NFIC: variants seen among roughly 807,000 people sequenced by gnomAD.
The protein encoded by NFIC is nuclear factor 1 C-type.
In NFIC, 12 loss-of-function variants were observed where a neutral mutation model predicts 54.4. That is an observed-to-expected ratio of 0.22 (90% CI 0.14 to 0.36). The LOEUF is 0.36. NFIC is among the 10% of genes least tolerant of loss of function. The pLI is 1.00. For missense variants in NFIC, 575 were observed against 718.2 expected, an observed-to-expected ratio of 0.80 and a Z score of 2.28; for synonymous variants, 322 against 319.2, an observed-to-expected ratio of 1.01 and a Z score of -0.09.
Position 3,464,571 on chromosome 19 carries a change from C to T in NFIC, c.*1802C>T, listed in dbSNP as rs2082690658. 2.4e-6 allele frequency: 2 copies of T among 827,614 alleles called. No homozygotes were observed. The highest frequency in any genetic ancestry group is 2.8e-6 in the Non-Finnish European group (2 of 717,686). The allele number at this position is 827,614 out of a possible 1,614,324, so 51.3% of individuals were successfully genotyped here. A position where few individuals can be genotyped will look rare whatever the true frequency, so the allele number is the denominator to read the frequency against. ...ACTGACCTCCATGCCTAGGGAAAAA[C>T]TCCCCCCACCACTGCCCCCTCCCCC... On this transcript the variant is annotated 3_prime_UTR_variant, in exon 11 of 11. Transcript: ENST00000443272.
At position 3,435,195 on chromosome 19, in the gene NFIC, G is replaced by T; in HGVS notation, c.946G>T (p.Asp316Tyr). The change falls in exon 6 of 11, where the codon GAC (aspartate) becomes TAC (tyrosine). Residue 316 changes from aspartate to tyrosine, a missense_variant. Around this residue, in one of 3 missense-constraint regions of NFIC, gnomAD observed 447 missense variants for 526.9 expected, o/e 0.85. Transcript: ENST00000443272. ...PTSSSRNWTE[D>Y]MEGGISSPVK... ...GAGTAGCAGCCGCAACTGGACGGAGGACATGGAAGGAGGTAGGGCTGGTGG... is the reference window on the plus strand; with the variant it reads ...GAGTAGCAGCCGCAACTGGACGGAGTACATGGAAGGAGGTAGGGCTGGTGG... 6.2e-7 allele frequency: 1 copy of T among 1,601,950 alleles called. No homozygotes were observed. Among genetic ancestry groups the T allele is most frequent in the Non-Finnish European group, 8.5e-7 (1 of 1,173,590 alleles).
At chr19:3,404,280 C>A (rs928803421) in intron 2 of NFIC, among the ~76,000 whole-genome samples, 10 of 152,066 alleles carry the variant, frequency 6.6e-5, no homozygotes, top group Non-Finnish European at 1.2e-4. Flanking sequence ...CACTCCCCCC[C>A]ACCCCGGGTG....
In NFIC at chr19:3,369,836, C is replaced by G. The variant is rs574377145; in HGVS notation, c.30+3170C>G. Among the ~76,000 whole-genome samples the G allele has an allele frequency of 6.6e-6, 1 of 152,310 alleles. No homozygotes were observed. The highest frequency in any genetic ancestry group is 1.9e-4 in the East Asian group (1 of 5,180). On this transcript the variant is annotated intron_variant, in intron 1 of 10. Transcript: ENST00000443272. The surrounding 1 kb of genome is among the most constrained non-coding windows in gnomAD (Gnocchi z 4.3). ...CTTGGCCGCAGCGTGGCGGATTCCC[C>G]GAGCCACCTCCATCCCGCCACCGGG...
At chr19:3,426,265 G>C (rs1331207273) in intron 3 of NFIC, among the ~76,000 whole-genome samples, 1 of 151,658 alleles carries the variant, frequency 6.6e-6, no homozygotes, top group African/African-American at 2.4e-5. Flanking sequence ...TTTTTGTAGA[G>C]ACAGAGTCTC....
At chr19:3,391,516 G>A (rs937861456) in intron 2 of NFIC, among the ~76,000 whole-genome samples, 4 of 151,940 alleles carry the variant, frequency 2.6e-5, no homozygotes, top group Non-Finnish European at 5.9e-5. Flanking sequence ...CCAGTCGTAG[G>A]CCAGGCGCGG....
chr19:3,414,820 GTTTTTTTGTTT>G (rs2081825893), intron 2 of NFIC, among the ~76,000 whole-genome samples: 1 of 150,882 alleles, frequency 6.6e-6, no homozygotes, highest in African/African-American at 2.4e-5. Context: ...TTGTTTTTTT[GTTTTTTTGTTT>G]TTTGTTTTTT....
intron 6 of NFIC, among the ~76,000 whole-genome samples, chr19:3,447,190 TC>T (rs199909784): frequency 0.029 from 4,329 of 150,156 alleles, 82 homozygotes; most frequent in Middle Eastern, 0.055. Flanking sequence ...TCCCAGCTAC[TC>T]GGGAGGCTGA....
At chr19:3,460,749 G>A (rs1361854935) in intron 10 of NFIC, among the ~76,000 whole-genome samples, 1 of 151,804 alleles carries the variant, frequency 6.6e-6, no homozygotes, top group African/African-American at 2.4e-5. Flanking sequence ...CCTGACCTCA[G>A]GTGATCCACC....
intron 2 of NFIC, among the ~76,000 whole-genome samples, chr19:3,401,015 A>G (rs2081546551): frequency 6.6e-6 from 1 of 152,296 alleles, no homozygotes; most frequent in Admixed American, 6.5e-5. Context: ...GTGAGGAGGA[A>G]CCAGTTATAT....
At chr19:3,387,252 A>C (rs1447304207) in intron 2 of NFIC, among the ~76,000 whole-genome samples, 1 of 152,200 alleles carries the variant, frequency 6.6e-6, no homozygotes, top group Non-Finnish European at 1.5e-5. Flanking sequence ...CTGCAATCCC[A>C]GCACTTCGGG....
intron 2 of NFIC, among the ~76,000 whole-genome samples, chr19:3,399,787 C>G (rs545464125): frequency 6.6e-6 from 1 of 152,224 alleles, no homozygotes; most frequent in South Asian, 2.1e-4. Context: ...AGAAGAATCA[C>G]TTGAACCTGG....
At chr19:3,440,322 G>C (rs2082274092) in intron 6 of NFIC, among the ~76,000 whole-genome samples, 1 of 152,010 alleles carries the variant, frequency 6.6e-6, no homozygotes, top group Non-Finnish European at 1.5e-5. Flanking sequence ...CCCCAGACCT[G>C]GCCAAATGTC....
chr19:3,365,817 A>AT (rs1272313510), upstream of NFIC, among the ~76,000 whole-genome samples: 1 of 151,794 alleles, frequency 6.6e-6, no homozygotes, highest in African/African-American at 2.4e-5. Context: ...AAGAGAGCAA[A>AT]TTCTGGAGCC....
At position 3,437,648 on chromosome 19, in the gene NFIC, AG is replaced by A. The variant is rs58884777; in HGVS notation, c.958+2442del. Among the ~76,000 whole-genome samples the A allele has an allele frequency of 6.0e-3, 464 of 76,976 alleles. 8 individuals are homozygous for A. In the East Asian group the frequency reaches 0.12, roughly 19 times the overall value. The allele number at this position is 76,976 out of a possible 152,430, so 50.5% of individuals were successfully genotyped here. A position where few individuals can be genotyped will look rare whatever the true frequency, so the allele number is the denominator to read the frequency against. Reference sequence around the variant, plus strand: ...GAGACTATGTCTCAAAAAAAAAAAAAGAAAAAAAAAGTCACTTCTGTTTCGT... The same window carrying A: ...GAGACTATGTCTCAAAAAAAAAAAAAAAAAAAAAAGTCACTTCTGTTTCGT... On this transcript the variant is annotated intron_variant, in intron 6 of 10. Coordinates refer to ENST00000443272, the MANE Select transcript of NFIC (RefSeq NM_001245002.2).
intron 2 of NFIC, among the ~76,000 whole-genome samples, chr19:3,416,992 T>A (rs1247985543): frequency 1.3e-5 from 2 of 151,668 alleles, no homozygotes; most frequent in African/African-American, 2.4e-5. Context: ...CACGCCATTC[T>A]CCTGCCTCAG....
intron 2 of NFIC, among the ~76,000 whole-genome samples, chr19:3,420,740 T>A (rs1365905280): frequency 6.6e-6 from 1 of 151,914 alleles, no homozygotes; most frequent in Non-Finnish European, 1.5e-5. Flanking sequence ...CTTTTTTTTT[T>A]TGAGATGGAG....
rs1188871772 is a variant in NFIC, at chr19:3,453,718, GA to G, written c.1270-44del. ...CGGCCGGCGCCAGCAGCCCGAGGTA[GA>G]GGGGGAGCCCACCCCTTAACCACGT... On this transcript the variant is annotated intron_variant, in intron 8 of 10. Coordinates refer to ENST00000443272, the MANE Select transcript of NFIC (RefSeq NM_001245002.2). The surrounding 1 kb of genome is among the most constrained non-coding windows in gnomAD (Gnocchi z 6.7). 4 of 1,565,364 alleles carry G rather than the reference GA, an allele frequency of 2.6e-6. No individual in the cohort carries two copies. The highest frequency in any genetic ancestry group is 1.2e-5 in the South Asian group (1 of 84,480).
At position 3,463,666 on chromosome 19, in the gene NFIC, C is replaced by G. The variant is rs1460645918; in HGVS notation, c.*897C>G. ...GGCATAGGAGGCCCCCCCACCTCGC[C>G]CGGCTCACACCCCCAAAGGGAGGGA... On this transcript the variant is annotated 3_prime_UTR_variant, in exon 11 of 11. Coordinates refer to ENST00000443272, the MANE Select transcript of NFIC (RefSeq NM_001245002.2). 2.0e-6 allele frequency: 2 copies of G among 982,806 alleles called. No individual in the cohort carries two copies. Among genetic ancestry groups the G allele is most frequent in the Non-Finnish European group, 2.4e-6 (2 of 828,430 alleles). 60.9% of individuals were successfully genotyped at this position (982,806 alleles called of 1,614,324 possible).
chr19:3,414,027 C>T (rs1464442239), intron 2 of NFIC, among the ~76,000 whole-genome samples: 1 of 152,152 alleles, frequency 6.6e-6, no homozygotes, highest in African/African-American at 2.4e-5. Context: ...TCTGTTGCCG[C>T]TGTGTCCCTT....
Sources: gnomAD v4.1 joint callset for allele counts (sites outside exome capture counted in the v4.1 genomes callset) on GRCh38, gnomAD v4.1.1 for gene constraint, gnomAD v4.1.1 regional missense constraint, Gnocchi (gnomAD v3.1) non-coding constraint, MANE v1.5 for transcripts, NCBI Gene and HGNC (gene_info 2026-07-23, HGNC 2026-07-21) for gene names.